The following MYH10 variants were observed in gnomAD, a reference collection of about 807,000 sequenced individuals.
MYH10 encodes myosin-10.
Under a neutral mutation model 257.8 loss-of-function variants are expected in MYH10, and 55 were observed. The observed-to-expected ratio is 0.21, with a 90% CI of 0.17 to 0.27. The LOEUF (loss-of-function observed/expected upper bound fraction) is 0.27, where lower values mean the gene tolerates loss of function less well. MYH10 is among the 10% of genes least tolerant of loss of function. The probability of loss-of-function intolerance (pLI) is 1.00; values close to 1 mark genes in which losing one functional copy is unlikely to be tolerated. For synonymous variants in MYH10, 854 were observed against 921.7 expected, an observed-to-expected ratio of 0.93 and a Z score of 1.33; for missense variants, 1,631 against 2,500.6, an observed-to-expected ratio of 0.65 and a Z score of 7.42.
At chr17:8,550,960 A>G (rs2082620431) in intron 9 of MYH10, among the ~76,000 whole-genome samples, 1 of 151,606 alleles carries the variant, frequency 6.6e-6, no homozygotes, top group African/African-American at 2.4e-5. Flanking sequence ...CTTAAGAGTC[A>G]TCACCACTCC....
rs769266230 is a variant in MYH10 at position 8,492,479 on chromosome 17, G to C, written c.4489C>G (p.Arg1497Gly). 2 of 1,611,964 alleles carry C rather than the reference G, an allele frequency of 1.2e-6. No homozygotes were observed. The highest frequency in any genetic ancestry group is 2.7e-5 in the African/African-American group (2 of 74,906). ...LLAEEKSISA[R>G]YAEERDRAEA... The stretch of plus-strand genomic sequence containing the variant: ...GCCCGGTCCCGCTCTTCGGCATAGC[G>C]AGCAGAGATGCTCTTCTCTTCTGCT... The change falls in exon 34 of 43, where the codon CGC (arginine) becomes GGC (glycine). Residue 1497 changes from arginine to glycine, a missense_variant. Physicochemically the swap from Arg to Gly is moderately radical, Grantham distance 125 (BLOSUM62 -2). This residue lies in a region of MYH10 where 463 missense variants were observed against 621.8 expected (regional missense o/e 0.74). Transcript: ENST00000360416.
chr17:8,559,736 A>G (rs1404827648), intron 7 of MYH10, among the ~76,000 whole-genome samples: 1 of 152,218 alleles, frequency 6.6e-6, no homozygotes, highest in East Asian at 1.9e-4. Context: ...AGAAAGATTT[A>G]AGTTAAAAAG....
At chr17:8,561,697 G>A in intron 7 of MYH10, 1 of 616,440 alleles carries the variant, frequency 1.6e-6, no homozygotes, top group East Asian at 2.8e-5. Flanking sequence ...GTAGAGAAAT[G>A]TTCCAAAATA....
intron 6 of MYH10, 118 bp downstream of exon 6, chr17:8,576,525 T>A (rs1437235538): frequency 4.7e-6 from 5 of 1,052,674 alleles, no homozygotes; most frequent in Non-Finnish European, 5.5e-6. Flanking sequence ...AAAATTAAAA[T>A]TTTTTAATGA....
chr17:8,497,046 C>A (rs566688576), intron 30 of MYH10, among the ~76,000 whole-genome samples: 1 of 152,184 alleles, frequency 6.6e-6, no homozygotes, highest in African/African-American at 2.4e-5. Context: ...GAATTAAGCA[C>A]GTGCTGTGTG....
At chr17:8,591,853 G>A (rs1276699048) in intron 3 of MYH10, among the ~76,000 whole-genome samples, 1 of 152,032 alleles carries the variant, frequency 6.6e-6, no homozygotes, top group African/African-American at 2.4e-5. Flanking sequence ...GTCTGATCTT[G>A]TATTAACTTT....
intron 23 of MYH10, among the ~76,000 whole-genome samples, chr17:8,513,182 C>T (rs192862927): frequency 2.2e-4 from 34 of 152,292 alleles, no homozygotes; most frequent in African/African-American, 7.2e-4. Context: ...TCAAGCATCT[C>T]GTCCTTTGAC....
intron 4 of MYH10, among the ~76,000 whole-genome samples, chr17:8,581,177 G>A (rs898710334): frequency 6.6e-6 from 1 of 152,106 alleles, no homozygotes; most frequent in African/African-American, 2.4e-5. Context: ...GGGTGCCATG[G>A]ACCCTGGAGG....
Position 8,511,494 on chromosome 17 carries a change from T to C in MYH10, c.2952+957A>G, listed in dbSNP as rs554399636. Among the ~76,000 whole-genome samples the C allele has an allele frequency of 2.6e-3, 400 of 152,272 alleles. 2 individuals carry two copies. The highest frequency in any genetic ancestry group is 6.8e-3 in the Middle Eastern group (2 of 294). ...GAGATTGCGCCATTGCACTCCAGCC[T>C]GGGCAACAAAGCGAGACTCCGTCTC... On this transcript the variant is annotated intron_variant, in intron 24 of 42. Coordinates refer to ENST00000360416, the MANE Select transcript of MYH10 (RefSeq NM_001256012.3).
At chr17:8,541,171 A>G (rs1429704100) in intron 14 of MYH10, among the ~76,000 whole-genome samples, 1 of 152,202 alleles carries the variant, frequency 6.6e-6, no homozygotes, top group African/African-American at 2.4e-5. Context: ...TGTACCATCC[A>G]TGATCTCTAG....
chr17:8,520,742 C>T, intron 19 of MYH10, 136 bp downstream of exon 19: 3 of 927,332 alleles, frequency 3.2e-6, no homozygotes, highest in Non-Finnish European at 4.6e-6. Flanking sequence ...TTTCCAGAAC[C>T]TCACTATATG....
intron 37 of MYH10, among the ~76,000 whole-genome samples, chr17:8,483,611 T>C (rs942391949): frequency 1.3e-5 from 2 of 152,266 alleles, no homozygotes; most frequent in Non-Finnish European, 2.9e-5. Flanking sequence ...TACGGTAATG[T>C]GTATATTTAA....
chr17:8,522,082 T>C (rs563468581), intron 17 of MYH10, among the ~76,000 whole-genome samples: 1 of 152,332 alleles, frequency 6.6e-6, no homozygotes, highest in African/African-American at 2.4e-5. Flanking sequence ...AGCAAAACAT[T>C]TGGTGCATAA....
intron 17 of MYH10, among the ~76,000 whole-genome samples, chr17:8,528,135 T>C (rs7225835): frequency 0.46 from 70,063 of 152,078 alleles, 16,382 homozygotes; most frequent in African/African-American, 0.56. Context: ...CTAGCACACA[T>C]GGAGGTTCAA....
At chr17:8,493,187 T>C (rs1355143945) in intron 32 of MYH10, among the ~76,000 whole-genome samples, 163 bp from the exon 33 acceptor site, 1 of 151,914 alleles carries the variant, frequency 6.6e-6, no homozygotes, top group Non-Finnish European at 1.5e-5. Flanking sequence ...TAGTGAAACC[T>C]CATCTCTACT....
intron 2 of MYH10, among the ~76,000 whole-genome samples, chr17:8,616,888 A>G (rs540132255): frequency 5.9e-5 from 9 of 152,310 alleles, no homozygotes; most frequent in South Asian, 4.1e-4. Flanking sequence ...TAAAGCTGTA[A>G]TAAGTAAGAA....
intron 41 of MYH10, among the ~76,000 whole-genome samples, chr17:8,478,065 A>G (rs1597584666): frequency 6.6e-6 from 1 of 152,310 alleles, no homozygotes. Flanking sequence ...AACAGGCAGA[A>G]ATCCCTGTAC....
intron 30 of MYH10, among the ~76,000 whole-genome samples, chr17:8,496,975 T>C (rs1044871048): frequency 6.6e-6 from 1 of 152,124 alleles, no homozygotes; most frequent in Non-Finnish European, 1.5e-5. Context: ...GGGGGCCGAG[T>C]CTGTAATGGG....
rs1264985643 is a variant in MYH10 at position 8,474,478 on chromosome 17, CA to C, written c.*1325del. 2.0e-5 allele frequency: 3 copies of C among 152,264 alleles called. No individual in the cohort carries two copies. The highest frequency in any genetic ancestry group is 7.3e-5 in the African/African-American group (3 of 41,292). The allele number at this position is 152,264 out of a possible 1,614,324, so 9.4% of individuals were successfully genotyped here. ...CTAATAGATGTTAAAGCTTTTAACCCAAAAGGTTTGTGTTTTCAAGCACATT... is the reference window on the plus strand; with the variant it reads ...CTAATAGATGTTAAAGCTTTTAACCCAAAGGTTTGTGTTTTCAAGCACATT... On this transcript the variant is annotated 3_prime_UTR_variant, in exon 43 of 43. Transcript: ENST00000360416.
Sources: gnomAD v4.1 joint callset for allele counts (sites outside exome capture counted in the v4.1 genomes callset) on GRCh38, gnomAD v4.1.1 for gene constraint, gnomAD v4.1.1 regional missense constraint, MANE v1.5 for transcripts, NCBI Gene and HGNC (gene_info 2026-07-23, HGNC 2026-07-21) for gene names.